The following CASQ2 variants were observed in gnomAD, a reference collection of about 807,000 sequenced individuals.
The protein encoded by CASQ2 is calsequestrin 2.
In CASQ2, 49 loss-of-function variants were observed where a neutral mutation model predicts 46.5. The ratio of observed to expected loss-of-function variants is 1.05; its 90% confidence interval spans 0.84 to 1.34. CASQ2 has a LOEUF of 1.34. Ranked by LOEUF, CASQ2 falls within the 40% of genes most tolerant of loss-of-function variation. The pLI is 0.00. For missense variants in CASQ2, 486 were observed against 481.3 expected (o/e 1.01, Z -0.09); for synonymous variants, 174 against 168.5 (o/e 1.03, Z -0.25).
intron 10 of CASQ2, among the ~76,000 whole-genome samples, 156 bp from the exon 11 acceptor site, chr1:115,701,582 C>T (rs1435386944): frequency 3.3e-5 from 5 of 152,238 alleles, no homozygotes; most frequent in Non-Finnish European, 5.9e-5. Context: ...AACGGCAAAA[C>T]GGTATGTGTA....
Position 115,747,351 on chromosome 1 carries a change from C to T in CASQ2, c.235-2439G>A, listed in dbSNP as rs116628962. Among the ~76,000 whole-genome samples the T allele has an allele frequency of 3.1e-3, 474 of 152,222 alleles. 4 individuals carry two copies. Among genetic ancestry groups the T allele is most frequent in the African/African-American group, 0.011 (459 of 41,488 alleles). On this transcript the variant is annotated intron_variant, in intron 1 of 10. Coordinates refer to ENST00000261448, the MANE Select transcript of CASQ2 (RefSeq NM_001232.4). The stretch of plus-strand genomic sequence containing the variant: ...CTCTATATGTCTGTTCCTCTGCCAA[C>T]ACCACATAGTCTTGATTGCAGTAGC...
intron 1 of CASQ2, among the ~76,000 whole-genome samples, chr1:115,754,290 C>T (rs1648681572): frequency 6.6e-6 from 1 of 152,060 alleles, no homozygotes; most frequent in African/African-American, 2.4e-5. Flanking sequence ...TAGGTGGCCT[C>T]TGAAAGAGCC....
intron 8 of CASQ2, among the ~76,000 whole-genome samples, chr1:115,710,478 A>G (rs1198538972): frequency 1.3e-5 from 2 of 152,164 alleles, no homozygotes; most frequent in Non-Finnish European, 2.9e-5. Context: ...TGTTGCTGCC[A>G]TCTTCCTTCC....
At chr1:115,732,818 A>G in intron 5 of CASQ2, 83 bp downstream of exon 5, 2 of 962,386 alleles carry the variant, frequency 2.1e-6, no homozygotes, top group Admixed American at 3.4e-5. Context: ...TGTTGCTAAA[A>G]GAAAAGAAAG....
At chr1:115,756,501 G>A (rs947316135) in intron 1 of CASQ2, among the ~76,000 whole-genome samples, 2 of 152,122 alleles carry the variant, frequency 1.3e-5, no homozygotes, top group African/African-American at 2.4e-5. Context: ...TCAAACTGCC[G>A]CAGAGTAGGG....
At chr1:115,746,112 G>A (rs1340528950) in intron 1 of CASQ2, among the ~76,000 whole-genome samples, 1 of 151,088 alleles carries the variant, frequency 6.6e-6, no homozygotes, top group Non-Finnish European at 1.5e-5. Flanking sequence ...TTTTCACTCA[G>A]TGTAATTATG....
intron 1 of CASQ2, among the ~76,000 whole-genome samples, chr1:115,758,307 A>G (rs2101117484): frequency 6.6e-6 from 1 of 152,354 alleles, no homozygotes; most frequent in East Asian, 1.9e-4. Flanking sequence ...GTAAAGCCCC[A>G]TATTGGCATG....
In CASQ2 at chr1:115,701,301, ATCATCATCT is replaced by A. The variant is rs762324565; in HGVS notation, c.1131_1139del (p.Glu377_Asp379del). On this transcript the variant is annotated inframe_deletion, in exon 11 of 11. Coordinates refer to ENST00000261448, the MANE Select transcript of CASQ2 (RefSeq NM_001232.4). ...CCTCTTCATCAGAATTATCATCATC[ATCATCATCT>A]TCATCATCATCTTCAGTGTTTATCT... is the stretch of plus-strand genomic sequence containing the variant. 27 of 1,597,940 alleles carry A rather than the reference ATCATCATCT, an allele frequency of 1.7e-5. No individual in the cohort carries two copies. The highest frequency in any genetic ancestry group is 2.3e-5 in the Non-Finnish European group (27 of 1,165,464).
At chr1:115,729,185 G>A (rs889304997) in intron 5 of CASQ2, among the ~76,000 whole-genome samples, 1 of 151,838 alleles carries the variant, frequency 6.6e-6, no homozygotes, top group Non-Finnish European at 1.5e-5. Context: ...GAGTAGCTGG[G>A]ATTATGGGCA....
intron 1 of CASQ2, among the ~76,000 whole-genome samples, chr1:115,747,239 T>C (rs1648420498): frequency 6.6e-6 from 1 of 152,208 alleles, no homozygotes; most frequent in Non-Finnish European, 1.5e-5. Context: ...CTGTCTTTCA[T>C]CCATTCAATT....
At chr1:115,739,392 GGC>G (rs1648099370) in intron 3 of CASQ2, among the ~76,000 whole-genome samples, 1 of 152,040 alleles carries the variant, frequency 6.6e-6, no homozygotes, top group African/African-American at 2.4e-5. Context: ...TGGGATTACA[GGC>G]ATGAGCCACC....
At chr1:115,751,426 T>G (rs1478931262) in intron 1 of CASQ2, among the ~76,000 whole-genome samples, 1 of 92,552 alleles carries the variant, frequency 1.1e-5, no homozygotes, top group Non-Finnish European at 2.7e-5. Flanking sequence ...TCCCAGCACT[T>G]TGGGAGGCGA....
chr1:115,720,853 G>A (rs1647348619), intron 7 of CASQ2, among the ~76,000 whole-genome samples: 1 of 152,030 alleles, frequency 6.6e-6, no homozygotes, highest in South Asian at 2.1e-4. Flanking sequence ...TAGCACAGAG[G>A]TTCTTTTTAA....
At chr1:115,762,914 A>G (rs1021883995) in intron 1 of CASQ2, among the ~76,000 whole-genome samples, 3 of 152,184 alleles carry the variant, frequency 2.0e-5, no homozygotes, top group Non-Finnish European at 4.4e-5. Context: ...TAGAGGGCTC[A>G]GGAACTCACA....
At chr1:115,706,809 GA>G (rs1293654404) in intron 8 of CASQ2, among the ~76,000 whole-genome samples, 1 of 152,102 alleles carries the variant, frequency 6.6e-6, no homozygotes, top group African/African-American at 2.4e-5. Flanking sequence ...CTCTCTCCAG[GA>G]ATGCTAGCTT....
rs145230390 is a variant in CASQ2, at chr1:115,767,043, A to G, written c.234+1265T>C. 2.6e-4 allele frequency among the ~76,000 whole-genome samples: 39 copies of G among 152,312 alleles called. 1 individual carries two copies. In the East Asian group the frequency reaches 6.9e-3, roughly 27 times the overall value. On this transcript the variant is annotated intron_variant, in intron 1 of 10. Transcript: ENST00000261448. ...AGGCTAACTGGACAGCGATGAGCAT[A>G]TAGGGGAGAATCCTTATGCCTTCAA...
chr1:115,743,113 A>G (rs1004733512), intron 2 of CASQ2, among the ~76,000 whole-genome samples: 7 of 152,132 alleles, frequency 4.6e-5, no homozygotes, highest in Non-Finnish European at 1.0e-4. Context: ...AGAGTTTAAC[A>G]TATTTTGCTC....
intron 2 of CASQ2, 58 bp downstream of exon 2, chr1:115,744,770 C>T (rs752485137): frequency 3.4e-6 from 4 of 1,185,388 alleles, no homozygotes; most frequent in Non-Finnish European, 5.1e-6. Context: ...TGTACTTTTC[C>T]TTTTGCAAGA....
At chr1:115,705,889 G>T (rs147044527) in intron 8 of CASQ2, among the ~76,000 whole-genome samples, 274 of 151,944 alleles carry the variant, frequency 1.8e-3, no homozygotes, top group Non-Finnish European at 2.8e-3. Context: ...TTGCCCCAGG[G>T]GTGGGATGAT....
Sources: allele counts gnomAD v4.1 joint callset (sites outside exome capture counted in the v4.1 genomes callset), GRCh38; gene constraint gnomAD v4.1.1; transcripts MANE v1.5; gene names NCBI Gene and HGNC (gene_info 2026-07-23, HGNC 2026-07-21).